The following LAMA2 variants were observed in gnomAD, a reference collection of about 807,000 sequenced individuals.
LAMA2 encodes laminin subunit alpha 2.
Under a neutral mutation model 364.8 loss-of-function variants are expected in LAMA2, and 269 were observed. The observed-to-expected ratio is 0.74, with a 90% CI of 0.67 to 0.82. The LOEUF is 0.82. LAMA2 is among the 40% of genes least tolerant of loss of function. The pLI is 0.00. For synonymous variants in LAMA2, 1,379 were observed against 1,370.6 expected (o/e 1.01, Z -0.14); for missense variants, 3,807 against 3,873.2 (o/e 0.98, Z 0.45).
At chr6:128,968,810 G>A (rs572715038) in intron 1 of LAMA2, among the ~76,000 whole-genome samples, 54 of 136,976 alleles carry the variant, frequency 3.9e-4, no homozygotes, top group Non-Finnish European at 2.9e-4. Context: ...TACTGTGTAC[G>A]TAGGACCTTG....
intron 7 of LAMA2, among the ~76,000 whole-genome samples, chr6:129,151,973 G>C (rs552445485): frequency 7.9e-5 from 12 of 152,256 alleles, no homozygotes; most frequent in Non-Finnish European, 1.2e-4. Flanking sequence ...GTTCCCTAAA[G>C]TTTGAAACTC....
intron 22 of LAMA2, among the ~76,000 whole-genome samples, chr6:129,305,721 T>C (rs767578648): frequency 6.6e-6 from 1 of 152,164 alleles, no homozygotes; most frequent in Admixed American, 6.5e-5. Context: ...GGCCTTTTAA[T>C]TTGAGGAGTT....
intron 1 of LAMA2, among the ~76,000 whole-genome samples, chr6:128,994,103 GA>G (rs1783774824): frequency 6.6e-6 from 1 of 152,196 alleles, no homozygotes; most frequent in African/African-American, 2.4e-5. Context: ...TGAAGCTGCT[GA>G]AAATTGATGG....
chr6:129,292,626 G>C (rs1444787221), intron 20 of LAMA2, among the ~76,000 whole-genome samples: 1 of 152,196 alleles, frequency 6.6e-6, no homozygotes, highest in East Asian at 1.9e-4. Flanking sequence ...ATTTGCTCTA[G>C]CGCTTTCACA....
chr6:129,143,547 C>A (rs1229930249), intron 4 of LAMA2, among the ~76,000 whole-genome samples: 17 of 151,890 alleles, frequency 1.1e-4, no homozygotes, highest in Admixed American at 1.1e-3. Context: ...CACCATACCC[C>A]AGATTCTTAA....
chr6:128,883,805 C>CACACACACAT (rs1775983065), intron 1 of LAMA2, among the ~76,000 whole-genome samples: 1 of 97,376 alleles, frequency 1.0e-5, no homozygotes, highest in African/African-American at 5.0e-5. Context: ...TATATATACA[C>CACACACACAT]ACACACACAC....
At chr6:129,145,454 C>T (rs1006818422) in intron 5 of LAMA2, among the ~76,000 whole-genome samples, 2 of 152,072 alleles carry the variant, frequency 1.3e-5, no homozygotes, top group Non-Finnish European at 2.9e-5. Context: ...TTGGATTTTT[C>T]ACTTGTTTAA....
At chr6:129,502,291 C>A (rs896454173) in intron 58 of LAMA2, among the ~76,000 whole-genome samples, 8 of 152,210 alleles carry the variant, frequency 5.3e-5, no homozygotes, top group African/African-American at 1.9e-4. Context: ...AAGTGGCTAG[C>A]TTGTCATTTT....
Position 129,315,074 on chromosome 6 carries a change from G to A in LAMA2, c.3555+276G>A, listed in dbSNP as rs531077470. Among the ~76,000 whole-genome samples, 12 of 152,284 alleles carry A rather than the reference G, an allele frequency of 7.9e-5. No homozygotes were observed. The East Asian group carries it at 2.3e-3, about 29-fold the overall frequency. On this transcript the variant is annotated intron_variant, in intron 24 of 64. Transcript: ENST00000421865. ...CGGGAAGCATTATGTTTTGAGATGG[G>A]AAGAGTGAGGGCACCAGAGCATGAA... is the stretch of plus-strand genomic sequence containing the variant.
chr6:128,977,572 T>C (rs896452787), intron 1 of LAMA2, among the ~76,000 whole-genome samples: 2 of 152,158 alleles, frequency 1.3e-5, no homozygotes, highest in African/African-American at 4.8e-5. Flanking sequence ...TTTTCTTTTT[T>C]TTTGAGAGAT....
In LAMA2 at chr6:129,492,415, G is replaced by C; in HGVS notation, c.8176G>C (p.Glu2726Gln). 1 of 1,614,134 alleles carries C rather than the reference G, an allele frequency of 6.2e-7. No homozygotes were observed. The highest frequency in any genetic ancestry group is 8.5e-7 in the Non-Finnish European group (1 of 1,179,986). Residue 2726 changes from glutamate to glutamine, a missense_variant, in exon 58 of 65, where the codon GAA (glutamate) becomes CAA (glutamine). Physicochemically the swap from Glu to Gln is conservative, Grantham distance 29. Coordinates refer to ENST00000421865, the MANE Select transcript of LAMA2 (RefSeq NM_000426.4). ...REDEDGAAPA[E>Q]IVIQPEPVPT... is the part of the protein sequence containing the mutation. Reference sequence around the variant, plus strand: ...AGATGAAGATGGAGCAGCTCCAGCTGAAATAGTTATCCAGCCTGAGCCAGT... The same window carrying C: ...AGATGAAGATGGAGCAGCTCCAGCTCAAATAGTTATCCAGCCTGAGCCAGT...
chr6:129,010,899 G>A (rs1391748374), intron 1 of LAMA2, among the ~76,000 whole-genome samples: 1 of 152,104 alleles, frequency 6.6e-6, no homozygotes, highest in Admixed American at 6.5e-5. Flanking sequence ...TGTCTTTACT[G>A]TGTATACATA....
chr6:129,499,192 A>T (rs1785431379), intron 58 of LAMA2, among the ~76,000 whole-genome samples: 1 of 152,148 alleles, frequency 6.6e-6, no homozygotes, highest in Non-Finnish European at 1.5e-5. Context: ...TATTTCTAGT[A>T]CTTTAAAAAG....
At chr6:129,516,108 C>A in intron 64 of LAMA2, 82 bp from the exon 65 acceptor site, 1 of 1,447,102 alleles carries the variant, frequency 6.9e-7, no homozygotes, top group Non-Finnish European at 9.7e-7. Flanking sequence ...TAATCTCAAG[C>A]TAACAGTTGA....
intron 4 of LAMA2, among the ~76,000 whole-genome samples, chr6:129,102,528 AT>A (rs1421635733): frequency 2.0e-5 from 3 of 152,028 alleles, no homozygotes; most frequent in African/African-American, 7.2e-5. Flanking sequence ...TTATTCTAAA[AT>A]TTTCAATATT....
At chr6:129,437,566 C>T (rs898530061) in intron 41 of LAMA2, among the ~76,000 whole-genome samples, 7 of 151,674 alleles carry the variant, frequency 4.6e-5, no homozygotes, top group Admixed American at 1.3e-4. Flanking sequence ...ACAATTAGTA[C>T]GCATGTCCCA....
At chr6:129,138,276 C>T (rs1489048844) in intron 4 of LAMA2, among the ~76,000 whole-genome samples, 2 of 151,830 alleles carry the variant, frequency 1.3e-5, no homozygotes, top group African/African-American at 4.8e-5. Context: ...TTCAGAGTAC[C>T]TAATTTTCTG....
chr6:129,251,695 G>A (rs1051159185), intron 13 of LAMA2, among the ~76,000 whole-genome samples: 4 of 152,140 alleles, frequency 2.6e-5, no homozygotes. Context: ...CACTTTGGGA[G>A]GCTGAGGCAG....
intron 1 of LAMA2, among the ~76,000 whole-genome samples, chr6:128,932,744 G>A (rs923017433): frequency 5.3e-5 from 8 of 152,046 alleles, no homozygotes; most frequent in African/African-American, 1.2e-4. Flanking sequence ...TATGCATGAC[G>A]ATTTAATATA....
Sources: allele counts gnomAD v4.1 joint callset (sites outside exome capture counted in the v4.1 genomes callset), GRCh38; gene constraint gnomAD v4.1.1; transcripts MANE v1.5; gene names NCBI Gene and HGNC (gene_info 2026-07-23, HGNC 2026-07-21).